COBL: variants seen among roughly 807,000 people sequenced by gnomAD.
COBL encodes the protein protein cordon-bleu.
A neutral mutation model predicts 98.8 loss-of-function variants in COBL; 51 were observed. The observed-to-expected ratio is 0.52, with a 90% CI of 0.41 to 0.65. The LOEUF is 0.65. Among genes scored for constraint, COBL ranks in the 30% least tolerant of loss-of-function variants. The probability of loss-of-function intolerance (pLI) is 0.00; values close to 1 mark genes in which losing one functional copy is unlikely to be tolerated. For synonymous variants in COBL, 634 were observed against 651.7 expected (o/e 0.97, Z 0.41); for missense variants, 1,617 against 1,617.5 (o/e 1.00, Z 0.01).
Position 51,081,900 on chromosome 7 carries a change from A to T in COBL, c.1096+3266T>A, listed in dbSNP as rs6593324. On this transcript the variant is annotated intron_variant, in intron 7 of 12. Transcript: ENST00000265136. ...CTGGAGCCATCCACGCCACGGCTGC[A>T]GTCTTTCTGATTGATAAGCCTAACC... Among the ~76,000 whole-genome samples, 14 of 151,800 alleles carry T rather than the reference A, an allele frequency of 9.2e-5. 1 individual carries two copies. Among genetic ancestry groups the T allele is most frequent in the Admixed American group, 2.6e-4 (4 of 15,246 alleles).
At chr7:51,018,359 G>A (rs528337718) in intron 12 of COBL, 2 of 152,334 alleles carry the variant, frequency 1.3e-5, no homozygotes, top group Admixed American at 1.3e-4. Context: ...TCTTACAGAT[G>A]AGGAAGTGAA....
chr7:51,174,693 A>G (rs1788200076), intron 5 of COBL, among the ~76,000 whole-genome samples: 2 of 152,112 alleles, frequency 1.3e-5, no homozygotes, highest in African/African-American at 4.8e-5. Context: ...TCACTAACCA[A>G]TGTCATCTCT....
At chr7:51,283,242 A>G (rs1220995982) in intron 1 of COBL, among the ~76,000 whole-genome samples, 7 of 152,156 alleles carry the variant, frequency 4.6e-5, no homozygotes, top group Non-Finnish European at 8.8e-5. Flanking sequence ...TATAAAAAGA[A>G]TGACAAAGAA....
At chr7:51,291,851 T>C (rs1584420888) in intron 1 of COBL, among the ~76,000 whole-genome samples, 1 of 151,966 alleles carries the variant, frequency 6.6e-6, no homozygotes, top group African/African-American at 2.4e-5. Flanking sequence ...CTTAAAACGT[T>C]CAAGCCAAAA....
intron 5 of COBL, among the ~76,000 whole-genome samples, chr7:51,163,160 C>T (rs1169275929): frequency 6.6e-6 from 1 of 152,144 alleles, no homozygotes; most frequent in African/African-American, 2.4e-5. Flanking sequence ...CTCATGCCTC[C>T]GTTTGATCCC....
intron 8 of COBL, among the ~76,000 whole-genome samples, chr7:51,042,217 A>C (rs1201819225): frequency 6.6e-6 from 1 of 152,218 alleles, no homozygotes; most frequent in Non-Finnish European, 1.5e-5. Flanking sequence ...AAAATTAAAT[A>C]ATATTAGAAT....
At chr7:51,101,717 G>C (rs560298031) in intron 6 of COBL, among the ~76,000 whole-genome samples, 1 of 152,336 alleles carries the variant, frequency 6.6e-6, no homozygotes, top group East Asian at 1.9e-4. Context: ...GTGCTTCAAA[G>C]TGTTGCTTTA....
rs1793478109 is a variant in COBL, at chr7:51,220,022, A to G, written c.42-78T>C. 6 of 1,395,986 alleles carry G rather than the reference A, an allele frequency of 4.3e-6. No homozygotes were observed. The South Asian group carries it at 8.3e-5, about 19-fold the overall frequency. 86.5% of individuals were successfully genotyped at this position (1,395,986 alleles called of 1,614,324 possible). On this transcript the variant is annotated intron_variant, in intron 1 of 12. Transcript: ENST00000265136. ...CTCGGAATAATTCGTTCTTACACAT[A>G]CTCAGGTCTGTCTTCAGGAGCACCT...
chr7:51,152,371 A>C (rs1318756741), intron 5 of COBL, among the ~76,000 whole-genome samples: 1 of 152,212 alleles, frequency 6.6e-6, no homozygotes. Flanking sequence ...ATCCCACTCC[A>C]GTCAAATTTA....
rs1562796044 is a variant in COBL at position 51,018,908 on chromosome 7, ATATATATATATATATATATATAT to A, written c.3769-1363_3769-1341del. Among the ~76,000 whole-genome samples the A allele has an allele frequency of 9.8e-3, 298 of 30,258 alleles. 55 individuals are homozygous for A. Among genetic ancestry groups the A allele is most frequent in the African/African-American group, 0.037 (280 of 7,640 alleles). 19.9% of individuals were successfully genotyped at this position (30,258 alleles called of 152,430 possible). A position where few individuals can be genotyped will look rare whatever the true frequency, so the allele number is the denominator to read the frequency against. On this transcript the variant is annotated intron_variant, in intron 12 of 12. Coordinates refer to ENST00000265136, the MANE Select transcript of COBL (RefSeq NM_015198.5). ...CTCCATCTCAAAAAAAAAAAAAAATATATATATATATATATATATATATATATATATATATATATATATATGAT... is the reference window on the plus strand; with the variant it reads ...CTCCATCTCAAAAAAAAAAAAAAATAATATATATATATATATATATATGAT...
At position 51,183,988 on chromosome 7, in the gene COBL, T is replaced by C. The variant is rs1055244282; in HGVS notation, c.783+114A>G. Reference sequence around the variant, plus strand: ...TAAGCTCTCTTTTACCTGAAGGAATTAGTATTCTTAAATAGAATTGTTTAG... The same window carrying C: ...TAAGCTCTCTTTTACCTGAAGGAATCAGTATTCTTAAATAGAATTGTTTAG... On this transcript the variant is annotated intron_variant, in intron 5 of 12. Transcript: ENST00000265136. 5.7e-6 allele frequency: 3 copies of C among 525,330 alleles called. No homozygotes were observed. In the Admixed American group the frequency reaches 1.2e-4, roughly 21 times the overall value. 32.5% of individuals were successfully genotyped at this position (525,330 alleles called of 1,614,324 possible). A position where few individuals can be genotyped will look rare whatever the true frequency, so the allele number is the denominator to read the frequency against.
Position 51,066,430 on chromosome 7 carries a change from G to A in COBL, c.1096+18736C>T, listed in dbSNP as rs114324121. On this transcript the variant is annotated intron_variant, in intron 7 of 12. Transcript: ENST00000265136. ...TGTAGCCCTCCCTACAGACTAACAG[G>A]ACACAGAGTAGGGAGGAGGGATATG... is the stretch of plus-strand genomic sequence containing the variant. Among the ~76,000 whole-genome samples the A allele has an allele frequency of 2.1e-3, 313 of 152,354 alleles. 1 individual carries two copies. Among genetic ancestry groups the A allele is most frequent in the African/African-American group, 6.7e-3 (277 of 41,592 alleles).
intron 1 of COBL, among the ~76,000 whole-genome samples, chr7:51,294,924 C>A (rs1801274522): frequency 6.6e-6 from 1 of 151,806 alleles, no homozygotes; most frequent in South Asian, 2.1e-4. Context: ...CACACTGGGG[C>A]CTGTTGCGGG....
chr7:51,252,684 A>G (rs1361682516), intron 1 of COBL, among the ~76,000 whole-genome samples: 2 of 152,220 alleles, frequency 1.3e-5, no homozygotes, highest in Non-Finnish European at 2.9e-5. Context: ...ATACAAGGGT[A>G]TAATATTGGC....
chr7:51,191,082 G>C lies in COBL; in HGVS notation c.457-4C>G, dbSNP rs764174584. 7.4e-6 allele frequency: 12 copies of C among 1,613,180 alleles called. No homozygotes were observed. Among genetic ancestry groups the C allele is most frequent in the South Asian group, 1.1e-5 (1 of 90,738 alleles). On this transcript the variant is annotated splice_polypyrimidine_tract_variant and splice_region_variant and intron_variant, in intron 3 of 12. Transcript: ENST00000265136. ...TCACGACCAAACGCACAGATTTCTG[G>C]AAGAACACACAGGCAAAAAGAATTC...
chr7:51,282,157 A>G (rs760659975), intron 1 of COBL, among the ~76,000 whole-genome samples: 68 of 152,132 alleles, frequency 4.5e-4, no homozygotes, highest in Middle Eastern at 3.2e-3. Context: ...AGAAAAAAAT[A>G]GTTAAATGGT....
chr7:51,038,035 A>G (rs1788807145), intron 8 of COBL, among the ~76,000 whole-genome samples: 1 of 152,132 alleles, frequency 6.6e-6, no homozygotes, highest in African/African-American at 2.4e-5. Context: ...TAATTTTAGT[A>G]GAGATGGGGT....
Position 51,203,206 on chromosome 7 carries a change from A to T in COBL, c.246-9617T>A, listed in dbSNP as rs553828179. On this transcript the variant is annotated intron_variant, in intron 2 of 12. Transcript: ENST00000265136. ...AACTGAAATAGAGAACAGAAAAATT[A>T]AAAAAAAAACTCTTGGGAGGCCGAG... Among the ~76,000 whole-genome samples, 9 of 146,838 alleles carry T rather than the reference A, an allele frequency of 6.1e-5. No homozygotes were observed. In the East Asian group the frequency reaches 8.1e-4, roughly 13 times the overall value.
intron 7 of COBL, among the ~76,000 whole-genome samples, chr7:51,062,073 G>T (rs1175112130): frequency 2.0e-5 from 3 of 152,136 alleles, no homozygotes; most frequent in Non-Finnish European, 4.4e-5. Context: ...AAACAGTAGG[G>T]AGGGTTAAAA....
Sources: gnomAD v4.1 joint callset for allele counts (sites outside exome capture counted in the v4.1 genomes callset) on GRCh38, gnomAD v4.1.1 for gene constraint, MANE v1.5 for transcripts, NCBI Gene and HGNC (gene_info 2026-07-23, HGNC 2026-07-21) for gene names.